MEX3D: variants seen among roughly 807,000 people sequenced by gnomAD.
MEX3D encodes the protein RNA-binding protein MEX3D.
MEX3D carries 4 observed loss-of-function variants against 6.3 expected under a neutral mutation model. The observed-to-expected ratio is 0.64, with a 90% CI of 0.31 to 1.46. MEX3D has a LOEUF of 1.46. Among genes scored for constraint, MEX3D ranks in the 40% most tolerant of loss-of-function variants. The pLI, the probability that MEX3D is intolerant of heterozygous loss-of-function variation, is 0.07. For synonymous variants in MEX3D, 626 were observed against 494.1 expected (o/e 1.27, Z -3.54); for missense variants, 1,038 against 994.4 (o/e 1.04, Z -0.59).
At chr19:1,561,983 CG>C (rs980038555) in intron 1 of MEX3D, among the ~76,000 whole-genome samples, 3 of 151,674 alleles carry the variant, frequency 2.0e-5, no homozygotes, top group South Asian at 2.1e-4. Context: ...CAGGTGTGGC[CG>C]GGCACGGTGG....
chr19:1,557,590 G>A (rs1304196962), intron 1 of MEX3D, among the ~76,000 whole-genome samples: 1 of 149,874 alleles, frequency 6.7e-6, no homozygotes, highest in Non-Finnish European at 1.5e-5. Context: ...GCGGGGTGCA[G>A]TGGCTCACCC....
chr19:1,555,465 G>A lies in MEX3D; in HGVS notation c.*98C>T. The A allele has an allele frequency of 3.8e-6, 3 of 793,156 alleles. No homozygotes were observed. Among genetic ancestry groups the A allele is most frequent in the Non-Finnish European group, 3.2e-6 (2 of 619,748 alleles). The allele number at this position is 793,156 out of a possible 1,614,324, so 49.1% of individuals were successfully genotyped here. ...CCTGCCCCCTCGGCCTCCGCCCCTC[G>A]CCCCCTCCCCGTCCCTCTCCCACCC... On this transcript the variant is annotated 3_prime_UTR_variant, in exon 2 of 2. Coordinates refer to ENST00000402693, the MANE Select transcript of MEX3D (RefSeq NM_203304.4).
At chr19:1,563,902 G>A (rs1245112305) in intron 1 of MEX3D, among the ~76,000 whole-genome samples, 2 of 152,058 alleles carry the variant, frequency 1.3e-5, no homozygotes, top group African/African-American at 4.8e-5. Flanking sequence ...CGACCGCCCA[G>A]GCTCAAGTAA....
At position 1,562,078 on chromosome 19, in the gene MEX3D, G is replaced by A. The variant is rs1037971231; in HGVS notation, c.596-5155C>T. 4.6e-5 allele frequency among the ~76,000 whole-genome samples: 7 copies of A among 152,030 alleles called. No individual in the cohort carries two copies. The East Asian group carries it at 5.9e-4, about 13-fold the overall frequency. ...AGATCAAGACCATCCTAGCTAACAC[G>A]GTGAAACCCCGTCTCTACTAAAAAT... On this transcript the variant is annotated intron_variant, in intron 1 of 1. Transcript: ENST00000402693.
chr19:1,560,664 G>C (rs1599325605), intron 1 of MEX3D, among the ~76,000 whole-genome samples: 2 of 152,220 alleles, frequency 1.3e-5, no homozygotes, highest in East Asian at 3.8e-4. Flanking sequence ...AGCCACGCGT[G>C]CGTCGGGGCA....
chr19:1,566,668 TGCCCACCACCCGCCC>T (rs915037677), intron 1 of MEX3D, among the ~76,000 whole-genome samples: 1 of 151,778 alleles, frequency 6.6e-6, no homozygotes, highest in Non-Finnish European at 1.5e-5. Flanking sequence ...GGCCAGGCAC[TGCCCACCACCCGCCC>T]GCCCGCCCCG....
Position 1,556,774 on chromosome 19 carries a change from TGGA to T in MEX3D, c.742_744del (p.Ser248del), listed in dbSNP as rs1460777100. On this transcript the variant is annotated inframe_deletion, in exon 2 of 2. Transcript: ENST00000402693. This position sits in a 1 kb window ranked among gnomAD's most constrained non-coding sequence, Gnocchi z 7.5. ...GCCTTGCTGCGCGTGGCGCGGATGA[TGGA>T]GAAGTGTTCGGCCGCCGACAGGATC... 4 of 1,612,496 alleles carry T rather than the reference TGGA, an allele frequency of 2.5e-6. No individual in the cohort carries two copies. The highest frequency in any genetic ancestry group is 2.2e-5 in the East Asian group (1 of 44,850).
At chr19:1,557,732 A>G (rs1390274390) in intron 1 of MEX3D, among the ~76,000 whole-genome samples, 1 of 151,180 alleles carries the variant, frequency 6.6e-6, no homozygotes. Context: ...GGTGGCAGGC[A>G]TCTGTAGTCC....
At chr19:1,563,623 C>A (rs549156421) in intron 1 of MEX3D, among the ~76,000 whole-genome samples, 1 of 152,276 alleles carries the variant, frequency 6.6e-6, no homozygotes, top group South Asian at 2.1e-4. Context: ...TCAGCAGGAG[C>A]AGGGCCGGAG....
intron 1 of MEX3D, among the ~76,000 whole-genome samples, chr19:1,557,564 TAA>T (rs541363387): frequency 4.1e-4 from 45 of 110,688 alleles, no homozygotes; most frequent in Admixed American, 4.8e-4. Flanking sequence ...AGACTCCAAC[TAA>T]AAAAAAAAAA....
chr19:1,555,318 G>T lies in MEX3D; in HGVS notation c.*245C>A. 6.3e-7 allele frequency: 1 copy of T among 1,596,956 alleles called. No homozygotes were observed. The highest frequency in any genetic ancestry group is 8.5e-7 in the Non-Finnish European group (1 of 1,170,358). ...GCGGACCTTTTCTCTCCGGTTTATT[G>T]TAACCTGACCACTCAATACTGTCGT... On this transcript the variant is annotated 3_prime_UTR_variant, in exon 2 of 2. Transcript: ENST00000402693.
At chr19:1,557,858 CAAAAAAAAAAAAAAAAAAAAAAAAA>C (rs550036323) in intron 1 of MEX3D, among the ~76,000 whole-genome samples, 1 of 3,994 alleles carries the variant, frequency 2.5e-4, no homozygotes, top group Non-Finnish European at 6.8e-4. Context: ...GAGACTGTCT[CAAAAAAAAAAAAAAAAAAAAAAAAA>C]AAAAAAAAAA....
intron 1 of MEX3D, among the ~76,000 whole-genome samples, chr19:1,557,693 T>G (rs762981540): frequency 4.7e-5 from 7 of 149,022 alleles, no homozygotes; most frequent in Non-Finnish European, 1.0e-4. Context: ...ACCCTGTCTC[T>G]ACTAAAATAC....
intron 1 of MEX3D, among the ~76,000 whole-genome samples, chr19:1,566,389 G>C (rs1914840554): frequency 6.6e-6 from 1 of 152,188 alleles, no homozygotes; most frequent in Non-Finnish European, 1.5e-5. Flanking sequence ...CCCCGCCTGA[G>C]GCCAGGGCCA....
chr19:1,560,072 TGGA>T (rs1914679498), intron 1 of MEX3D, among the ~76,000 whole-genome samples: 1 of 152,202 alleles, frequency 6.6e-6, no homozygotes, highest in Non-Finnish European at 1.5e-5. Context: ...TCCCTGAGGC[TGGA>T]GGATGGGGCT....
intron 1 of MEX3D, among the ~76,000 whole-genome samples, chr19:1,557,665 C>A (rs1198973561): frequency 6.6e-6 from 1 of 150,512 alleles, no homozygotes; most frequent in Non-Finnish European, 1.5e-5. Context: ...TCAAGACCAG[C>A]CTGGCCAACA....
At position 1,556,080 on chromosome 19, in the gene MEX3D, G is replaced by A; in HGVS notation, c.1439C>T (p.Ala480Val). ...ATIWAPFERA[A>V]PLPAFSGCST... Reference sequence around the variant, plus strand: ...GCAGCCGCTGAAGGCGGGCAAGGGGGCGGCGCGCTCAAAAGGCGCCCAGAT... The same window carrying A: ...GCAGCCGCTGAAGGCGGGCAAGGGGACGGCGCGCTCAAAAGGCGCCCAGAT... Residue 480 changes from alanine (A) to valine (V), a missense_variant, in exon 2 of 2, where the codon GCC becomes GTC. Around this residue, in one of 5 missense-constraint regions of MEX3D, gnomAD observed 581 missense variants for 516.2 expected, o/e 1.13. Coordinates refer to ENST00000402693, the MANE Select transcript of MEX3D (RefSeq NM_203304.4). This position sits in a 1 kb window ranked among gnomAD's most constrained non-coding sequence, Gnocchi z 7.5. 1 of 1,431,552 alleles carries A rather than the reference G, an allele frequency of 7.0e-7. No individual in the cohort carries two copies. The highest frequency in any genetic ancestry group is 9.2e-7 in the Non-Finnish European group (1 of 1,091,386). The allele number at this position is 1,431,552 out of a possible 1,614,324, so 88.7% of individuals were successfully genotyped here.
chr19:1,564,057 C>T (rs1047794628), intron 1 of MEX3D, among the ~76,000 whole-genome samples: 2 of 151,962 alleles, frequency 1.3e-5, no homozygotes, highest in Non-Finnish European at 2.9e-5. Flanking sequence ...ATCCTCCTGC[C>T]TCAGCCTCTC....
intron 1 of MEX3D, among the ~76,000 whole-genome samples, chr19:1,566,400 T>C (rs1241172359): frequency 2.0e-5 from 3 of 152,114 alleles, no homozygotes; most frequent in Admixed American, 2.0e-4. Context: ...GCCAGGGCCA[T>C]AGATGACCTT....
Sources: gnomAD v4.1 joint callset for allele counts (sites outside exome capture counted in the v4.1 genomes callset) on GRCh38, gnomAD v4.1.1 for gene constraint, gnomAD v4.1.1 regional missense constraint, Gnocchi (gnomAD v3.1) non-coding constraint, MANE v1.5 for transcripts, NCBI Gene and HGNC (gene_info 2026-07-23, HGNC 2026-07-21) for gene names.